The following BLTP3A variants were observed in gnomAD, a reference collection of about 807,000 sequenced individuals.
BLTP3A encodes the protein ICBP90 binding protein 1.
the BLTP3A span, among the ~76,000 whole-genome samples, chr6:34,801,802 A>AACTCT: frequency 1.8e-4 from 27 of 152,098 alleles, no homozygotes; most frequent in East Asian, 4.3e-3. Context: ...GCTCACTGCA[A>AACTCT]GCTCTGGCTC....
chr6:34,850,129 G>A, the BLTP3A span, among the ~76,000 whole-genome samples: 1 of 150,004 alleles, frequency 6.7e-6, no homozygotes, highest in East Asian at 1.9e-4. Flanking sequence ...GGTGACAAGA[G>A]CAAAACTCGG....
At chr6:34,872,566 C>T in the BLTP3A span, 1 of 1,229,624 alleles carries the variant, frequency 8.1e-7, no homozygotes, top group Non-Finnish European at 1.1e-6. Context: ...GGAGCACTCA[C>T]TTCACTTGTG....
At chr6:34,817,851 ATTT>A in the BLTP3A span, among the ~76,000 whole-genome samples, 10 of 138,806 alleles carry the variant, frequency 7.2e-5, no homozygotes, top group African/African-American at 8.2e-5. Context: ...ACGTGTAGGA[ATTT>A]TTTTTTTTTT....
At chr6:34,817,201 A>G in the BLTP3A span, among the ~76,000 whole-genome samples, 4 of 152,110 alleles carry the variant, frequency 2.6e-5, no homozygotes, top group East Asian at 7.7e-4. Context: ...CCTCAGTCCT[A>G]TTTCCTTGTA....
chr6:34,841,161 A>T, the BLTP3A span, among the ~76,000 whole-genome samples: 7 of 150,996 alleles, frequency 4.6e-5, no homozygotes, highest in East Asian at 7.9e-4. Flanking sequence ...TAATTTTATT[A>T]TTTTTTTTGA....
chr6:34,862,038 T>C, the BLTP3A span, among the ~76,000 whole-genome samples: 1 of 152,204 alleles, frequency 6.6e-6, no homozygotes, highest in Non-Finnish European at 1.5e-5. Context: ...TTTTGTGAAC[T>C]TTAATCTTTG....
the BLTP3A span, among the ~76,000 whole-genome samples, chr6:34,866,949 T>G: frequency 6.6e-6 from 1 of 152,210 alleles, no homozygotes; most frequent in Non-Finnish European, 1.5e-5. Flanking sequence ...TCCATTGTAT[T>G]TATATACCAC....
the BLTP3A span, among the ~76,000 whole-genome samples, chr6:34,822,331 C>T: frequency 8.4e-3 from 1,272 of 151,694 alleles, 18 homozygotes; most frequent in African/African-American, 0.027. Flanking sequence ...CAACCTCTGC[C>T]TCCTGGGTTC....
At chr6:34,817,915 G>A in the BLTP3A span, among the ~76,000 whole-genome samples, 5 of 150,980 alleles carry the variant, frequency 3.3e-5, no homozygotes, top group Admixed American at 6.6e-5. Flanking sequence ...GTGCAATGGC[G>A]CTATCTGGGC....
chr6:34,805,919 G>A, the BLTP3A span, among the ~76,000 whole-genome samples: 34 of 151,968 alleles, frequency 2.2e-4, no homozygotes, highest in Non-Finnish European at 4.3e-4. Flanking sequence ...GCTTTTAAAA[G>A]GTATTTATTT....
At chr6:34,868,414 C>G in the BLTP3A span, among the ~76,000 whole-genome samples, 1 of 151,648 alleles carries the variant, frequency 6.6e-6, no homozygotes, top group Non-Finnish European at 1.5e-5. Flanking sequence ...AACAACATAG[C>G]AAGACCTCAG....
At chr6:34,805,229 C>A in the BLTP3A span, among the ~76,000 whole-genome samples, 1 of 151,814 alleles carries the variant, frequency 6.6e-6, no homozygotes, top group Admixed American at 6.6e-5. Flanking sequence ...TTCAGTGAAC[C>A]GTGACTGTGC....
chr6:34,856,697 A>T, the BLTP3A span: 6 of 1,486,714 alleles, frequency 4.0e-6, no homozygotes, highest in Non-Finnish European at 5.5e-6. Flanking sequence ...CCTACATATA[A>T]CATTAATGAT....
At chr6:34,796,684 G>C in the BLTP3A span, among the ~76,000 whole-genome samples, 1 of 152,210 alleles carries the variant, frequency 6.6e-6, no homozygotes, top group Non-Finnish European at 1.5e-5. Flanking sequence ...TTAATGGAAG[G>C]AGCATGGGCT....
chr6:34,796,908 T>C, the BLTP3A span, among the ~76,000 whole-genome samples: 2 of 152,208 alleles, frequency 1.3e-5, no homozygotes, highest in Non-Finnish European at 2.9e-5. Context: ...TTTCATCATG[T>C]TGGCCAGGAT....
chr6:34,867,433 G>A, the BLTP3A span: 1 of 1,613,594 alleles, frequency 6.2e-7, no homozygotes, highest in Non-Finnish European at 8.5e-7. Context: ...CTGAGAGCTT[G>A]GGACTTAAAA....
chr6:34,837,879 A>AT, the BLTP3A span, among the ~76,000 whole-genome samples: 2 of 152,102 alleles, frequency 1.3e-5, no homozygotes, highest in East Asian at 3.9e-4. Context: ...GGCTTTGGGT[A>AT]TTTTTTGGTT....
At chr6:34,856,367 C>T in the BLTP3A span, 1 of 1,614,144 alleles carries the variant, frequency 6.2e-7, no homozygotes, top group Non-Finnish European at 8.5e-7. Context: ...TCTGAAACCA[C>T]CCTGGCACCT....
chr6:34,792,243 G>A, the BLTP3A span: 13 of 1,536,348 alleles, frequency 8.5e-6, no homozygotes, highest in South Asian at 1.3e-4. Flanking sequence ...GCGGGCCGCG[G>A]CTCCGGCATG....
Sources: gnomAD v4.1 joint callset for allele counts (sites outside exome capture counted in the v4.1 genomes callset) on GRCh38, gnomAD v4.1.1 for gene constraint, MANE v1.5 for transcripts, NCBI Gene and HGNC (gene_info 2026-07-23, HGNC 2026-07-21) for gene names.